Variants in NLGN1 observed in about 807,000 individuals in gnomAD.
NLGN1 encodes neuroligin 1.
In NLGN1, 12 loss-of-function variants were observed where a neutral mutation model predicts 65.5. The ratio of observed to expected loss-of-function variants is 0.18; its 90% CI spans 0.12 to 0.30. The LOEUF is 0.30. Among genes scored for constraint, NLGN1 ranks in the 10% least tolerant of loss-of-function variants. The probability of loss-of-function intolerance (pLI) is 1.00; values close to 1 mark genes in which losing one functional copy is unlikely to be tolerated. For missense variants in NLGN1, 750 were observed against 1,007.1 expected, an observed-to-expected ratio of 0.74 and a Z score of 3.46; for synonymous variants, 350 against 359.5, an observed-to-expected ratio of 0.97 and a Z score of 0.30.
At position 173,903,732 on chromosome 3, in the gene NLGN1, G is replaced by T. The variant is rs895969076; in HGVS notation, c.646+95900G>T. ...GCTATGGAGGGCCTCCTGAAACAAT[G>T]AAGCGATTGCTGAAAGCTGGGACAG... is the stretch of plus-strand genomic sequence containing the variant. On this transcript the variant is annotated intron_variant, in intron 4 of 6. Coordinates refer to ENST00000457714, the Ensembl canonical transcript of NLGN1. Among the ~76,000 whole-genome samples, 4 of 152,264 alleles carry T rather than the reference G, an allele frequency of 2.6e-5. No individual in the cohort carries two copies. The South Asian group carries it at 8.3e-4, about 32-fold the overall frequency.
At chr3:174,275,581 A>C (rs773751592) in intron 5 of NLGN1, 54 bp downstream of exon 5, 307 of 1,022,820 alleles carry the variant, frequency 3.0e-4, no homozygotes, top group Non-Finnish European at 4.5e-4. Context: ...TGCCACCACC[A>C]TCAGTAGTAT....
At position 173,631,110 on chromosome 3, in the gene NLGN1, C is replaced by G. The variant is rs1173533517; in HGVS notation, c.493+26019C>G. Among the ~76,000 whole-genome samples the G allele has an allele frequency of 2.0e-5, 3 of 152,068 alleles. No individual in the cohort carries two copies. In the East Asian group the frequency reaches 5.8e-4, roughly 29 times the overall value. The stretch of plus-strand genomic sequence containing the variant: ...GGTAGTTTCAGATTTAAATGAGGAA[C>G]AACAAGTTCACTCTGAAAGTGGTTA... On this transcript the variant is annotated intron_variant, in intron 3 of 6. Coordinates refer to ENST00000457714, the Ensembl canonical transcript of NLGN1.
At chr3:173,621,855 G>A (rs2149506204) in intron 3 of NLGN1, among the ~76,000 whole-genome samples, 1 of 152,138 alleles carries the variant, frequency 6.6e-6, no homozygotes, top group South Asian at 2.1e-4. Flanking sequence ...ATTAGCTTGT[G>A]AAATTTTCAG....
At chr3:173,774,983 A>G (rs1780092660) in intron 3 of NLGN1, among the ~76,000 whole-genome samples, 1 of 152,168 alleles carries the variant, frequency 6.6e-6, no homozygotes, top group African/African-American at 2.4e-5. Context: ...TTGATACATT[A>G]TAATTGAATC....
intron 3 of NLGN1, among the ~76,000 whole-genome samples, chr3:173,662,941 T>A (rs1761146783): frequency 6.6e-6 from 1 of 152,066 alleles, no homozygotes; most frequent in South Asian, 2.1e-4. Flanking sequence ...ACAGAGGAAC[T>A]AGCCTGGGAG....
rs1477196271 is a variant in NLGN1, at chr3:173,862,362, C to T, written c.646+54530C>T. Among the ~76,000 whole-genome samples, 64 of 150,892 alleles carry T rather than the reference C, an allele frequency of 4.2e-4. 1 individual carries two copies. The highest frequency in any genetic ancestry group is 7.8e-4 in the Non-Finnish European group (53 of 67,626). On this transcript the variant is annotated intron_variant, in intron 4 of 6. Coordinates refer to ENST00000457714, the Ensembl canonical transcript of NLGN1. ...TTTACTAAAAATACAAAAAATTAGC[C>T]GGGCGTAGTGGCGGGCGCCTGTAGT...
chr3:173,857,703 A>G (rs570238247), intron 4 of NLGN1, among the ~76,000 whole-genome samples: 1 of 151,546 alleles, frequency 6.6e-6, no homozygotes, highest in East Asian at 1.9e-4. Flanking sequence ...TCAGGGTGTT[A>G]CTCTTTCCTT....
intron 4 of NLGN1, among the ~76,000 whole-genome samples, chr3:174,038,879 A>G (rs2152485677): frequency 6.6e-6 from 1 of 152,248 alleles, no homozygotes; most frequent in African/African-American, 2.4e-5. Flanking sequence ...AACTAAGAAA[A>G]TGTACTCTAG....
At chr3:173,555,996 G>A (rs1040538066) in intron 2 of NLGN1, among the ~76,000 whole-genome samples, 1 of 152,166 alleles carries the variant, frequency 6.6e-6, no homozygotes, top group Non-Finnish European at 1.5e-5. Flanking sequence ...AGATGAAGCT[G>A]TTCAGGTTTT....
At chr3:173,800,306 G>T in intron 3 of NLGN1, 1 of 1,195,020 alleles carries the variant, frequency 8.4e-7, no homozygotes, top group Non-Finnish European at 1.1e-6. Flanking sequence ...CCCTTACAAA[G>T]AAACAGACAG....
chr3:173,788,406 A>AT (rs1189228141), intron 3 of NLGN1, among the ~76,000 whole-genome samples: 1 of 151,826 alleles, frequency 6.6e-6, no homozygotes, highest in Non-Finnish European at 1.5e-5. Flanking sequence ...CAATTAACCT[A>AT]TTTTTTTAGT....
chr3:173,934,560 T>C (rs1744710712), intron 4 of NLGN1, among the ~76,000 whole-genome samples: 1 of 151,994 alleles, frequency 6.6e-6, no homozygotes, highest in African/African-American at 2.4e-5. Flanking sequence ...TATACACTTA[T>C]CATTGGGCTT....
In NLGN1 at chr3:173,895,054, T is replaced by C. The variant is rs146319809; in HGVS notation, c.646+87222T>C. On this transcript the variant is annotated intron_variant, in intron 4 of 6. Transcript: ENST00000457714. ...ACTGCAAGGTCTAGGGAGAATCTGT[T>C]TCCTTGCTTTTTTGGTGCCGGGAGG... Among the ~76,000 whole-genome samples, 1,123 of 152,208 alleles carry C rather than the reference T, an allele frequency of 7.4e-3. 21 individuals carry two copies. The highest frequency in any genetic ancestry group is 0.026 in the African/African-American group (1,070 of 41,558).
intron 3 of NLGN1, among the ~76,000 whole-genome samples, chr3:173,754,346 A>C (rs1330117089): frequency 6.6e-6 from 1 of 152,018 alleles, no homozygotes; most frequent in East Asian, 1.9e-4. Context: ...CTGGACTTCA[A>C]GTGTTCCTTA....
chr3:173,752,337 A>G (rs995477662), intron 3 of NLGN1, among the ~76,000 whole-genome samples: 1 of 152,030 alleles, frequency 6.6e-6, no homozygotes, highest in African/African-American at 2.4e-5. Flanking sequence ...CCTCTGCCCT[A>G]TATCAGTTGT....
intron 4 of NLGN1, among the ~76,000 whole-genome samples, chr3:174,260,879 A>G (rs1280112893): frequency 3.4e-5 from 5 of 147,660 alleles, no homozygotes; most frequent in Admixed American, 6.8e-5. Flanking sequence ...TAAGGAAGGG[A>G]TCCAGTTTCA....
At chr3:173,452,388 G>T (rs187012274) in intron 2 of NLGN1, among the ~76,000 whole-genome samples, 1 of 151,984 alleles carries the variant, frequency 6.6e-6, no homozygotes, top group East Asian at 1.9e-4. Context: ...GGGTTTCATC[G>T]TGTTAGCTAG....
At chr3:174,252,170 C>A (rs1744895290) in intron 4 of NLGN1, among the ~76,000 whole-genome samples, 1 of 152,136 alleles carries the variant, frequency 6.6e-6, no homozygotes, top group Admixed American at 6.5e-5. Flanking sequence ...ACAGGCCTCA[C>A]ATATTCATTT....
chr3:173,536,705 TAGTC>T (rs1399573317), intron 2 of NLGN1, among the ~76,000 whole-genome samples: 3 of 152,346 alleles, frequency 2.0e-5, no homozygotes, highest in African/African-American at 7.2e-5. Flanking sequence ...CATGATGTAT[TAGTC>T]AGGACTCTCC....
Sources: gnomAD v4.1 joint callset for allele counts (sites outside exome capture counted in the v4.1 genomes callset) on GRCh38, gnomAD v4.1.1 for gene constraint, MANE v1.5 for transcripts, NCBI Gene and HGNC (gene_info 2026-07-23, HGNC 2026-07-21) for gene names.